Variants in GART observed in about 807,000 individuals in gnomAD.
The protein encoded by GART is phosphoribosylglycinamide formyltransferase, phosphoribosylglycinamide synthetase, phosphoribosylaminoimidazole synthetase, also known as trifunctional purine biosynthetic protein adenosine-3.
A neutral mutation model predicts 107.2 loss-of-function variants in GART; 43 were observed. The observed-to-expected ratio is 0.40, with a 90% CI of 0.31 to 0.52. GART has a LOEUF of 0.52. GART is among the 20% of genes least tolerant of loss of function. GART has a pLI of 0.52. For synonymous variants in GART, 434 were observed against 427.0 expected, an observed-to-expected ratio of 1.02 and a Z score of -0.20; for missense variants, 1,107 against 1,206.5, an observed-to-expected ratio of 0.92 and a Z score of 1.22.
chr21:33,524,412 G>A, intron 11 of GART: 1 of 578,616 alleles, frequency 1.7e-6, no homozygotes, highest in African/African-American at 2.0e-5. Flanking sequence ...TTAGCCAGGT[G>A]TGGTGGCCTG....
intron 19 of GART, 33 bp downstream of exon 19, chr21:33,505,941 C>A: frequency 6.2e-7 from 1 of 1,611,762 alleles, no homozygotes. Context: ...TTAAATATGG[C>A]CCACAGCAAA....
chr21:33,529,226 C>T (rs900692580), intron 7 of GART, among the ~76,000 whole-genome samples: 5 of 152,162 alleles, frequency 3.3e-5, no homozygotes, highest in African/African-American at 1.2e-4. Context: ...TACCCTAAGG[C>T]TTCTTTGTAC....
Position 33,505,634 on chromosome 21 carries a change from C to T in GART, c.2652G>A (p.Glu884=). 6.2e-7 allele frequency: 1 copy of T among 1,612,708 alleles called. No homozygotes were observed. Among genetic ancestry groups the T allele is most frequent in the South Asian group, 1.1e-5 (1 of 90,894 alleles). ...CAAGACAGACTATGTCTATGGAGAA[C>T]TCTTCAAGGACTAGGTCAATTGCAC... ...FDSAIDLVLE[E]FSIDIVCLAG... is the part of the protein sequence containing the mutation. The change falls in exon 20 of 22, where the codon GAG becomes GAA. Residue 884 remains glutamate, a synonymous_variant. Coordinates refer to ENST00000381815, the MANE Select transcript of GART (RefSeq NM_000819.5).
upstream of GART, chr21:33,542,886 C>G: frequency 1.7e-6 from 1 of 601,842 alleles, no homozygotes; most frequent in Non-Finnish European, 3.0e-6. Context: ...CAAACGTCAG[C>G]ACCTCTACCC....
At chr21:33,520,648 A>G in intron 13 of GART, 86 bp from the exon 14 acceptor site, 1 of 1,224,076 alleles carries the variant, frequency 8.2e-7, no homozygotes, top group Non-Finnish European at 1.1e-6. Flanking sequence ...CTTAACACCT[A>G]AAAACAAAAG....
At chr21:33,506,149 T>A (rs2084677744) in intron 18 of GART, 45 bp from the exon 19 acceptor site, 1 of 1,267,730 alleles carries the variant, frequency 7.9e-7, no homozygotes, top group East Asian at 3.0e-5. Context: ...TACTACTTCT[T>A]TTTTTTTTTT....
chr21:33,522,117 A>T, intron 12 of GART, 71 bp downstream of exon 12: 1 of 1,190,724 alleles, frequency 8.4e-7, no homozygotes, highest in Non-Finnish European at 1.2e-6. Flanking sequence ...TATTCCTGTT[A>T]AATATAAAAC....
At chr21:33,517,231 A>AGTTGCT in intron 15 of GART, 90 bp from the exon 16 acceptor site, 1 of 1,558,880 alleles carries the variant, frequency 6.4e-7, no homozygotes, top group Admixed American at 1.8e-5. Flanking sequence ...CCAGCTCTAC[A>AGTTGCT]ATAATGACCA....
At chr21:33,540,500 G>A (rs577493698) in intron 1 of GART, among the ~76,000 whole-genome samples, 48 of 152,166 alleles carry the variant, frequency 3.2e-4, no homozygotes, top group Non-Finnish European at 6.3e-4. Context: ...TTCAAATAGC[G>A]CAATATGCTA....
chr21:33,521,004 C>A lies in GART; in HGVS notation c.1405G>T (p.Asp469Tyr), dbSNP rs1336097370. ...KATSRSGCKVDLGGFAGLFDL... is the reference protein window; with the variant it reads ...KATSRSGCKVYLGGFAGLFDL... ...AAAAGACCAGCAAAACCTCCAAGAT[C>A]AACTTTACAGCCTGTTGGAGAGGAA... The change falls in exon 13 of 22, where the codon GAT becomes TAT. Residue 469 changes from aspartate to tyrosine, a missense_variant. Coordinates refer to ENST00000381815, the MANE Select transcript of GART (RefSeq NM_000819.5). 4 of 1,613,474 alleles carry A rather than the reference C, an allele frequency of 2.5e-6. No individual in the cohort carries two copies. Among genetic ancestry groups the A allele is most frequent in the Non-Finnish European group, 2.5e-6 (3 of 1,179,598 alleles).
intron 10 of GART, 55 bp downstream of exon 10, chr21:33,528,112 T>G: frequency 1.9e-6 from 3 of 1,541,446 alleles, no homozygotes; most frequent in Non-Finnish European, 2.7e-6. Context: ...GGGGGTCTGC[T>G]GTGGTGCTGG....
At chr21:33,540,451 A>C (rs1306922123) in intron 1 of GART, among the ~76,000 whole-genome samples, 1 of 152,256 alleles carries the variant, frequency 6.6e-6, no homozygotes, top group Non-Finnish European at 1.5e-5. Flanking sequence ...CAGGCAGCAG[A>C]AGGATTTGGT....
At chr21:33,515,183 T>C (rs570687034) in intron 16 of GART, among the ~76,000 whole-genome samples, 1 of 152,350 alleles carries the variant, frequency 6.6e-6, no homozygotes, top group East Asian at 1.9e-4. Context: ...CCTTGACTGC[T>C]TTATCCACTC....
chr21:33,536,456 A>G (rs113876859), intron 2 of GART, among the ~76,000 whole-genome samples: 7 of 152,328 alleles, frequency 4.6e-5, no homozygotes, highest in African/African-American at 1.4e-4. Context: ...ACAAGAAGTG[A>G]TATTTGTGAT....
At chr21:33,507,553 GCTCACAC>G (rs1457946939) in intron 18 of GART, among the ~76,000 whole-genome samples, 2 of 152,182 alleles carry the variant, frequency 1.3e-5, no homozygotes, top group African/African-American at 4.8e-5. Flanking sequence ...GGATGTGGTG[GCTCACAC>G]CTATAATCCC....
At position 33,539,325 on chromosome 21, in the gene GART, T is replaced by C. The variant is rs2085364775; in HGVS notation, c.-10A>G. ...GTACTCGGGCTGCCATTGTTCTGTC[T>C]GTAAAGCAGAAATTCCAAAGGAAAA... On this transcript the variant is annotated 5_prime_UTR_variant, in exon 2 of 22. Transcript: ENST00000381815. 1 of 1,596,776 alleles carries C rather than the reference T, an allele frequency of 6.3e-7. No individual in the cohort carries two copies. The highest frequency in any genetic ancestry group is 1.4e-5 in the African/African-American group (1 of 73,442).
chr21:33,512,221 T>G (rs866077804), intron 16 of GART, among the ~76,000 whole-genome samples: 44 of 145,488 alleles, frequency 3.0e-4, no homozygotes, highest in Admixed American at 4.2e-4. Context: ...GAGGTGGAGG[T>G]TGCAGTGGGC....
intron 5 of GART, 157 bp from the exon 6 acceptor site, chr21:33,531,714 T>C (rs79874250): frequency 1.6e-5 from 10 of 631,100 alleles, no homozygotes; most frequent in African/African-American, 3.7e-5. Flanking sequence ...AGGGAACATA[T>C]AAATGTTTCC....
chr21:33,522,332 T>C (rs1420486403), intron 11 of GART, 50 bp from the exon 12 acceptor site: 1 of 1,298,222 alleles, frequency 7.7e-7, no homozygotes, highest in African/African-American at 1.5e-5. Flanking sequence ...AAAATTATTT[T>C]AATCTTAAAA....
Sources: gnomAD v4.1 joint callset for allele counts (sites outside exome capture counted in the v4.1 genomes callset) on GRCh38, gnomAD v4.1.1 for gene constraint, MANE v1.5 for transcripts, NCBI Gene and HGNC (gene_info 2026-07-23, HGNC 2026-07-21) for gene names.